The following DPYSL3 variants were observed in gnomAD, a reference collection of about 807,000 sequenced individuals.
The protein encoded by DPYSL3 is dihydropyrimidinase-related protein 3.
Under a neutral mutation model 66.1 loss-of-function variants are expected in DPYSL3, and 16 were observed. The observed-to-expected ratio is 0.24, with a 90% CI of 0.16 to 0.37. The LOEUF is 0.37. DPYSL3 is among the 10% of genes least tolerant of loss of function. The pLI, the probability that DPYSL3 is intolerant of heterozygous loss-of-function variation, is 1.00. For synonymous variants in DPYSL3, 338 were observed against 345.1 expected (o/e 0.98, Z 0.23); for missense variants, 738 against 916.2 (o/e 0.81, Z 2.51).
intron 1 of DPYSL3, among the ~76,000 whole-genome samples, chr5:147,470,254 A>C (rs1753066460): frequency 6.6e-6 from 1 of 152,062 alleles, no homozygotes; most frequent in East Asian, 1.9e-4. Context: ...CTCCCTAATA[A>C]GCCTTCTGCA....
At chr5:147,417,537 C>T (rs563786428) in intron 3 of DPYSL3, among the ~76,000 whole-genome samples, 1 of 152,292 alleles carries the variant, frequency 6.6e-6, no homozygotes, top group South Asian at 2.1e-4. Flanking sequence ...AATAATTCTA[C>T]AGCTCAGGCT....
At chr5:147,413,324 T>C (rs1018465147) in intron 5 of DPYSL3, among the ~76,000 whole-genome samples, 1 of 152,154 alleles carries the variant, frequency 6.6e-6, no homozygotes, top group Non-Finnish European at 1.5e-5. Flanking sequence ...TTGGAGCTTG[T>C]TTGGTAGATG....
intron 1 of DPYSL3, among the ~76,000 whole-genome samples, chr5:147,469,903 G>C (rs951537500): frequency 4.6e-5 from 7 of 152,174 alleles, no homozygotes; most frequent in African/African-American, 1.7e-4. Context: ...GCACCATCTT[G>C]ATCCTTCAGG....
intron 2 of DPYSL3, 98 bp downstream of exon 2, chr5:147,424,777 G>C: frequency 1.1e-6 from 1 of 944,170 alleles, no homozygotes; most frequent in Non-Finnish European, 1.6e-6. Context: ...ATTAAATTAA[G>C]ATTTTTTTCA....
chr5:147,449,329 C>T (rs534255951), intron 1 of DPYSL3, among the ~76,000 whole-genome samples: 49 of 152,334 alleles, frequency 3.2e-4, no homozygotes, highest in African/African-American at 1.1e-3. Context: ...TCTGACTACA[C>T]GCCCTAGACC....
At chr5:147,465,198 AAAAAT>A (rs991595693) in intron 1 of DPYSL3, among the ~76,000 whole-genome samples, 20 of 152,314 alleles carry the variant, frequency 1.3e-4, no homozygotes, top group African/African-American at 4.3e-4. Context: ...TGTCTCTCTC[AAAAAT>A]AAAATAAAAT....
chr5:147,467,655 C>A (rs189097137), intron 1 of DPYSL3, among the ~76,000 whole-genome samples: 76 of 152,260 alleles, frequency 5.0e-4, no homozygotes, highest in African/African-American at 1.8e-3. Flanking sequence ...ACACGGACCT[C>A]CAAAAACATC....
intron 1 of DPYSL3, among the ~76,000 whole-genome samples, chr5:147,429,788 C>T (rs576384708): frequency 3.7e-4 from 56 of 152,246 alleles, no homozygotes; most frequent in African/African-American, 1.3e-3. Context: ...TCTGACAGGG[C>T]TCTCTTCTCT....
At chr5:147,450,287 AC>A (rs1247104710) in intron 1 of DPYSL3, among the ~76,000 whole-genome samples, 1 of 152,262 alleles carries the variant, frequency 6.6e-6, no homozygotes, top group Non-Finnish European at 1.5e-5. Flanking sequence ...GCATAAAAAA[AC>A]ATAATACCTG....
rs1757803683 is a variant in DPYSL3 at position 147,391,529 on chromosome 5, C to G, written c.*2506G>C. ...CAAGGGATGAGATGGCAAAGGACAG[C>G]TTTGGAATCAGATAGACGATCCAGC... On this transcript the variant is annotated 3_prime_UTR_variant, in exon 14 of 14. Coordinates refer to ENST00000343218, the MANE Select transcript of DPYSL3 (RefSeq NM_001197294.2). 6.6e-6 allele frequency: 1 copy of G among 152,464 alleles called. No homozygotes were observed. Among genetic ancestry groups the G allele is most frequent in the Admixed American group, 6.5e-5 (1 of 15,272 alleles). The allele number at this position is 152,464 out of a possible 1,614,324, so 9.4% of individuals were successfully genotyped here.
chr5:147,445,767 C>G (rs1031309711), intron 1 of DPYSL3, among the ~76,000 whole-genome samples: 4 of 152,060 alleles, frequency 2.6e-5, no homozygotes, highest in Admixed American at 2.6e-4. Flanking sequence ...AGATTTTGGG[C>G]AATTATCGCC....
At chr5:147,458,369 C>T (rs1257308963) in intron 1 of DPYSL3, among the ~76,000 whole-genome samples, 3 of 152,160 alleles carry the variant, frequency 2.0e-5, no homozygotes, top group East Asian at 1.9e-4. Flanking sequence ...ATGGCAACGT[C>T]GGAAGTTACC....
chr5:147,435,261 G>A (rs1451908774), intron 1 of DPYSL3, among the ~76,000 whole-genome samples: 1 of 152,198 alleles, frequency 6.6e-6, no homozygotes, highest in African/African-American at 2.4e-5. Flanking sequence ...ATCACAGCGT[G>A]TTACAATAAT....
intron 1 of DPYSL3, chr5:147,453,597 G>A: frequency 6.5e-7 from 1 of 1,534,514 alleles, no homozygotes; most frequent in South Asian, 1.2e-5. Flanking sequence ...TGGTGGCGGT[G>A]GTGGCTGCAG....
intron 1 of DPYSL3, among the ~76,000 whole-genome samples, chr5:147,471,610 G>A (rs1294701668): frequency 6.6e-6 from 1 of 152,138 alleles, no homozygotes; most frequent in African/African-American, 2.4e-5. Context: ...TAAACGTGGT[G>A]CAAGGTATCC....
intron 1 of DPYSL3, among the ~76,000 whole-genome samples, chr5:147,508,184 T>C (rs1442565270): frequency 6.6e-6 from 1 of 152,194 alleles, no homozygotes; most frequent in Non-Finnish European, 1.5e-5. Context: ...GAAGCCGACA[T>C]TGTTTTCCAA....
chr5:147,487,304 C>A (rs1419877609), intron 1 of DPYSL3, among the ~76,000 whole-genome samples: 1 of 152,136 alleles, frequency 6.6e-6, no homozygotes, highest in East Asian at 1.9e-4. Context: ...TTGCATTGTT[C>A]TTCCTTCAAT....
At chr5:147,466,200 C>T (rs1313732607) in intron 1 of DPYSL3, among the ~76,000 whole-genome samples, 1 of 152,196 alleles carries the variant, frequency 6.6e-6, no homozygotes, top group African/African-American at 2.4e-5. Context: ...ATGTCTGTTG[C>T]TTCCTCTTCC....
rs886571896 is a variant in DPYSL3 at position 147,509,216 on chromosome 5, C to G, written c.381+262G>C. Among the ~76,000 whole-genome samples the G allele has an allele frequency of 4.5e-4, 69 of 152,152 alleles. No individual in the cohort carries two copies. Among genetic ancestry groups the G allele is most frequent in the African/African-American group, 1.5e-3 (64 of 41,450 alleles). On this transcript the variant is annotated intron_variant, in intron 1 of 13. Transcript: ENST00000343218. The surrounding 1 kb of genome is among the most constrained non-coding windows in gnomAD (Gnocchi z 5.3). ...ATGGCCCAGGAGTGCGGCGAGGAGG[C>G]AGGGGCAAAGGACGCGGCTCCAGGC...
Sources: gnomAD v4.1 joint callset for allele counts (sites outside exome capture counted in the v4.1 genomes callset) on GRCh38, gnomAD v4.1.1 for gene constraint, Gnocchi (gnomAD v3.1) non-coding constraint, MANE v1.5 for transcripts, NCBI Gene and HGNC (gene_info 2026-07-23, HGNC 2026-07-21) for gene names.